Variants in SCHIP1 observed in about 807,000 individuals in gnomAD.
SCHIP1 encodes the protein schwannomin-interacting protein 1.
A neutral mutation model predicts 29.7 loss-of-function variants in SCHIP1; 8 were observed. The observed-to-expected ratio is 0.27, with a 90% CI of 0.16 to 0.49. The LOEUF (loss-of-function observed/expected upper bound fraction) is 0.49, where lower values mean the gene tolerates loss of function less well. Among genes scored for constraint, SCHIP1 ranks in the 20% least tolerant of loss-of-function variants. The pLI, the probability that SCHIP1 is intolerant of heterozygous loss-of-function variation, is 0.99. For synonymous variants in SCHIP1, 76 were observed against 94.9 expected, an observed-to-expected ratio of 0.80 and a Z score of 1.16; for missense variants, 193 against 294.6, an observed-to-expected ratio of 0.66 and a Z score of 2.52.
chr3:159,789,183 G>A, the SCHIP1 span, among the ~76,000 whole-genome samples: 3 of 152,050 alleles, frequency 2.0e-5, no homozygotes, highest in Non-Finnish European at 1.5e-5. Flanking sequence ...GCAGTTTCGA[G>A]GGCTGGCAAG....
At chr3:159,491,266 T>C in the SCHIP1 span, among the ~76,000 whole-genome samples, 1 of 152,166 alleles carries the variant, frequency 6.6e-6, no homozygotes, top group Non-Finnish European at 1.5e-5. Flanking sequence ...TGAAGGACAG[T>C]GGGCGCAGCA....
chr3:159,384,833 C>T, the SCHIP1 span, among the ~76,000 whole-genome samples: 1 of 152,102 alleles, frequency 6.6e-6, no homozygotes, highest in Non-Finnish European at 1.5e-5. Flanking sequence ...CTGGTTTAGT[C>T]TTGGGAGGGT....
At chr3:159,561,593 C>T in the SCHIP1 span, among the ~76,000 whole-genome samples, 1 of 151,614 alleles carries the variant, frequency 6.6e-6, no homozygotes. Flanking sequence ...GTAAAACACA[C>T]CAGGGTAATT....
the SCHIP1 span, among the ~76,000 whole-genome samples, chr3:159,415,950 T>C: frequency 6.6e-6 from 1 of 152,164 alleles, no homozygotes; most frequent in African/African-American, 2.4e-5. Context: ...TCTACTTTTG[T>C]TTTGCTTTGC....
At chr3:159,667,572 A>C in the SCHIP1 span, among the ~76,000 whole-genome samples, 10 of 152,266 alleles carry the variant, frequency 6.6e-5, no homozygotes, top group Non-Finnish European at 1.2e-4. Flanking sequence ...GGTAGTGGGC[A>C]TGGGGTGCAC....
the SCHIP1 span, among the ~76,000 whole-genome samples, chr3:159,644,935 C>A: frequency 6.6e-6 from 1 of 152,144 alleles, no homozygotes; most frequent in Admixed American, 6.5e-5. Context: ...GGAACAAAGG[C>A]TGGAATGAGA....
the SCHIP1 span, among the ~76,000 whole-genome samples, chr3:159,567,859 G>A: frequency 1.3e-5 from 2 of 151,972 alleles, no homozygotes; most frequent in East Asian, 3.8e-4. Flanking sequence ...AAACATTTTG[G>A]AATTTTTATT....
At chr3:159,525,633 G>A in the SCHIP1 span, among the ~76,000 whole-genome samples, 4 of 152,200 alleles carry the variant, frequency 2.6e-5, no homozygotes, top group Non-Finnish European at 5.9e-5. Context: ...CAGACACAGC[G>A]TGATGAGGAG....
chr3:159,613,524 C>G, the SCHIP1 span, among the ~76,000 whole-genome samples: 19 of 152,058 alleles, frequency 1.2e-4, no homozygotes, highest in African/African-American at 4.6e-4. Context: ...TAAAATATTC[C>G]TGTTTGAAGG....
chr3:159,783,782 T>G, the SCHIP1 span, among the ~76,000 whole-genome samples: 2 of 152,194 alleles, frequency 1.3e-5, no homozygotes, highest in Admixed American at 6.5e-5. Flanking sequence ...TTGAGGGTTT[T>G]TCTCCCAGGT....
chr3:159,713,260 GAAAGA>G, the SCHIP1 span, among the ~76,000 whole-genome samples: 12 of 148,202 alleles, frequency 8.1e-5, no homozygotes, highest in African/African-American at 3.0e-4. Flanking sequence ...AAGAAAGAAA[GAAAGA>G]AAGAAAGAAA....
chr3:159,519,870 A>T, the SCHIP1 span, among the ~76,000 whole-genome samples: 30,104 of 148,154 alleles, frequency 0.2, 3,179 homozygotes, highest in African/African-American at 0.28. Context: ...AGAAAAAAAA[A>T]ATATATATAT....
At chr3:159,809,780 C>T in the SCHIP1 span, among the ~76,000 whole-genome samples, 2 of 152,024 alleles carry the variant, frequency 1.3e-5, no homozygotes, top group Non-Finnish European at 2.9e-5. Context: ...GCAGGTGGAT[C>T]ATTTGAGCCC....
chr3:159,698,897 C>T, the SCHIP1 span, among the ~76,000 whole-genome samples: 264 of 152,244 alleles, frequency 1.7e-3, no homozygotes, highest in Non-Finnish European at 2.8e-3. Context: ...CTGCCTGCGT[C>T]GGCCTCCCAA....
the SCHIP1 span, among the ~76,000 whole-genome samples, chr3:159,670,953 G>A: frequency 6.6e-6 from 1 of 152,106 alleles, no homozygotes; most frequent in African/African-American, 2.4e-5. Context: ...AAATGAAAAT[G>A]TAGGACCCTT....
the SCHIP1 span, among the ~76,000 whole-genome samples, chr3:159,489,790 C>A: frequency 6.6e-6 from 1 of 151,980 alleles, no homozygotes; most frequent in South Asian, 2.1e-4. Context: ...TCTATTTGTA[C>A]AGAGCTAATA....
chr3:159,848,118 G>A (rs957520117), intron 1 of SCHIP1, among the ~76,000 whole-genome samples: 1 of 152,160 alleles, frequency 6.6e-6, no homozygotes, highest in Admixed American at 6.5e-5. Context: ...TCATTTAAAA[G>A]CATTAACTCA....
At chr3:159,484,609 G>A in the SCHIP1 span, among the ~76,000 whole-genome samples, 2 of 152,030 alleles carry the variant, frequency 1.3e-5, no homozygotes, top group Admixed American at 6.6e-5. Context: ...TTAAATGCGG[G>A]CATTTATCTT....
At chr3:159,835,415 A>G (rs1312999257), upstream of SCHIP1, among the ~76,000 whole-genome samples, 1 of 152,208 alleles carries the variant, frequency 6.6e-6, no homozygotes, top group African/African-American at 2.4e-5. Flanking sequence ...TTTTTCCCAC[A>G]AATACCCATT....
Sources: gnomAD v4.1 joint callset for allele counts (sites outside exome capture counted in the v4.1 genomes callset) on GRCh38, gnomAD v4.1.1 for gene constraint, MANE v1.5 for transcripts, NCBI Gene and HGNC (gene_info 2026-07-23, HGNC 2026-07-21) for gene names.